EXT1: variants seen among roughly 807,000 people sequenced by gnomAD.
EXT1 encodes exostosin-1.
A neutral mutation model predicts 82.5 loss-of-function variants in EXT1; 20 were observed. The ratio of observed to expected loss-of-function variants is 0.24; its 90% CI spans 0.17 to 0.35. EXT1 has a LOEUF of 0.35. Among genes scored for constraint, EXT1 ranks in the 10% least tolerant of loss-of-function variants. The probability of loss-of-function intolerance (pLI) is 1.00; values close to 1 mark genes in which losing one functional copy is unlikely to be tolerated. For synonymous variants in EXT1, 348 were observed against 350.8 expected, an observed-to-expected ratio of 0.99 and a Z score of 0.09; for missense variants, 757 against 936.5, an observed-to-expected ratio of 0.81 and a Z score of 2.50.
intron 1 of EXT1, among the ~76,000 whole-genome samples, chr8:118,098,465 C>T (rs549908516): frequency 1.3e-5 from 2 of 152,174 alleles, no homozygotes; most frequent in East Asian, 1.9e-4. Context: ...GAATAGCTAA[C>T]ACAGTGGCCA....
At chr8:117,984,213 G>C (rs750372453) in intron 1 of EXT1, among the ~76,000 whole-genome samples, 1 of 152,170 alleles carries the variant, frequency 6.6e-6, no homozygotes, top group African/African-American at 2.4e-5. Flanking sequence ...GAGGTCAGAA[G>C]CTCCAGACCA....
intron 1 of EXT1, among the ~76,000 whole-genome samples, chr8:118,097,839 C>A (rs1817648510): frequency 6.6e-6 from 1 of 152,102 alleles, no homozygotes; most frequent in South Asian, 2.1e-4. Flanking sequence ...TGGAGAGAGA[C>A]AAACAAACAG....
rs561816740 is a variant in EXT1, at chr8:117,799,298, T to A, written c.*414A>T. ...TTTTGAAACTGCAGGGCACCCTACA[T>A]GGCCATGACAATGATGTCTGTGGGA... On this transcript the variant is annotated 3_prime_UTR_variant, in exon 11 of 11. Transcript: ENST00000378204. The A allele has an allele frequency of 4.4e-6, 1 of 225,572 alleles. No homozygotes were observed. 14.0% of individuals were successfully genotyped at this position (225,572 alleles called of 1,614,324 possible). A position where few individuals can be genotyped will look rare whatever the true frequency, so the allele number is the denominator to read the frequency against.
At chr8:118,074,968 T>C (rs1036232727) in intron 1 of EXT1, among the ~76,000 whole-genome samples, 3 of 152,114 alleles carry the variant, frequency 2.0e-5, no homozygotes, top group African/African-American at 7.2e-5. Flanking sequence ...CCCGTGCCAG[T>C]AGGTGTAGAT....
At chr8:118,066,696 T>G (rs1169317949) in intron 1 of EXT1, among the ~76,000 whole-genome samples, 1 of 152,060 alleles carries the variant, frequency 6.6e-6, no homozygotes, top group Non-Finnish European at 1.5e-5. Flanking sequence ...GCATATAATA[T>G]ATAGAACAAA....
intron 1 of EXT1, among the ~76,000 whole-genome samples, chr8:117,888,875 CA>C (rs914986071): frequency 2.6e-5 from 4 of 152,206 alleles, no homozygotes; most frequent in African/African-American, 7.2e-5. Context: ...TGCCTATCTT[CA>C]AACCTCAGCC....
intron 1 of EXT1, among the ~76,000 whole-genome samples, chr8:118,104,262 G>A (rs1817770956): frequency 6.6e-6 from 1 of 152,210 alleles, no homozygotes; most frequent in South Asian, 2.1e-4. Context: ...TTTATTACAG[G>A]AGCCTGGTCA....
At chr8:118,076,657 C>CAATAGT (rs1215778341) in intron 1 of EXT1, among the ~76,000 whole-genome samples, 10 of 152,166 alleles carry the variant, frequency 6.6e-5, no homozygotes, top group African/African-American at 2.4e-4. Context: ...TCAGTGCTCA[C>CAATAGT]AATAGTAAGT....
Position 118,110,772 on chromosome 8 carries a change from A to G in EXT1, c.275T>C (p.Ile92Thr). 6.2e-7 allele frequency: 1 copy of G among 1,614,066 alleles called. No individual in the cohort carries two copies. The highest frequency in any genetic ancestry group is 8.5e-7 in the Non-Finnish European group (1 of 1,179,978). ...CATGCGGCACTTCTTGCCTTTGTAG[A>G]TGCTGGAGTTGGCATCTCGCTTCTG... The part of the protein sequence containing the change: ...PRQKRDANSS[I>T]YKGKKCRMES... Residue 92 changes from isoleucine (I) to threonine (T), a missense_variant, in exon 1 of 11, where the codon ATC (isoleucine) becomes ACC (threonine). Transcript: ENST00000378204.
chr8:118,017,305 A>G (rs1816021525), intron 1 of EXT1, among the ~76,000 whole-genome samples: 1 of 152,128 alleles, frequency 6.6e-6, no homozygotes. Context: ...ATAGAACACT[A>G]TTTCTTATTT....
intron 1 of EXT1, among the ~76,000 whole-genome samples, chr8:118,058,990 T>A (rs1198563758): frequency 6.6e-6 from 1 of 152,100 alleles, no homozygotes; most frequent in Admixed American, 6.6e-5. Flanking sequence ...ACCTCCCTTT[T>A]CTCCACCCCA....
intron 1 of EXT1, among the ~76,000 whole-genome samples, chr8:117,997,943 AGG>A (rs2129803012): frequency 6.6e-6 from 1 of 152,192 alleles, no homozygotes; most frequent in East Asian, 1.9e-4. Context: ...GCTTTTGCAA[AGG>A]ATCTATCTTC....
At chr8:117,996,439 A>G (rs1016269998) in intron 1 of EXT1, among the ~76,000 whole-genome samples, 1 of 152,242 alleles carries the variant, frequency 6.6e-6, no homozygotes, top group Non-Finnish European at 1.5e-5. Flanking sequence ...TGGTCAGTAC[A>G]GATATAGCAT....
At chr8:117,989,153 GAAGTT>G (rs1038684018) in intron 1 of EXT1, among the ~76,000 whole-genome samples, 2 of 151,220 alleles carry the variant, frequency 1.3e-5, no homozygotes, top group African/African-American at 4.9e-5. Context: ...GTTTTAAAGA[GAAGTT>G]AAGTAACATA....
chr8:117,958,655 A>G (rs1267797968), intron 1 of EXT1, among the ~76,000 whole-genome samples: 1 of 152,192 alleles, frequency 6.6e-6, no homozygotes, highest in Non-Finnish European at 1.5e-5. Flanking sequence ...GAGTCTAAAA[A>G]TTTAATATCA....
intron 1 of EXT1, among the ~76,000 whole-genome samples, chr8:118,066,480 T>C (rs962910354): frequency 1.3e-5 from 2 of 151,870 alleles, no homozygotes; most frequent in Non-Finnish European, 2.9e-5. Context: ...TGCCTCAGCC[T>C]CCTGAGTAAC....
At chr8:117,978,913 T>C (rs1815124978) in intron 1 of EXT1, among the ~76,000 whole-genome samples, 1 of 152,198 alleles carries the variant, frequency 6.6e-6, no homozygotes, top group South Asian at 2.1e-4. Context: ...ATTGTTATTA[T>C]GTTAAACATG....
chr8:117,998,706 T>C (rs1815598085), intron 1 of EXT1, among the ~76,000 whole-genome samples: 1 of 152,056 alleles, frequency 6.6e-6, no homozygotes, highest in Non-Finnish European at 1.5e-5. Flanking sequence ...ATCACACAAA[T>C]ATAGAAGAGC....
Position 117,822,551 on chromosome 8 carries a change from A to G in EXT1, c.1331T>C (p.Ile444Thr). 1 of 1,613,506 alleles carries G rather than the reference A, an allele frequency of 6.2e-7. No individual in the cohort carries two copies. The highest frequency in any genetic ancestry group is 8.5e-7 in the Non-Finnish European group (1 of 1,179,728). The change falls in exon 5 of 11, where the codon ATA becomes ACA. Residue 444 changes from isoleucine to threonine, a missense_variant. Ile to Thr is a moderately conservative substitution (Grantham distance 89). Coordinates refer to ENST00000378204, the MANE Select transcript of EXT1 (RefSeq NM_000127.3). ...CAATCCTCCAGGATGTTTGTTCCAT[A>G]TTAAACTGTTACGTGATATGTGCTT... is the stretch of plus-strand genomic sequence containing the variant. Reference protein sequence around the residue: ...IFKHISRNSLIWNKHPGGLFV... With the variant: ...IFKHISRNSLTWNKHPGGLFV...
Sources: gnomAD v4.1 joint callset for allele counts (sites outside exome capture counted in the v4.1 genomes callset) on GRCh38, gnomAD v4.1.1 for gene constraint, MANE v1.5 for transcripts, NCBI Gene and HGNC (gene_info 2026-07-23, HGNC 2026-07-21) for gene names.